Variants in CACNA1E observed in about 807,000 individuals in gnomAD.
The protein encoded by CACNA1E is voltage-dependent R-type calcium channel subunit alpha-1E.
Under a neutral mutation model 259.2 loss-of-function variants are expected in CACNA1E, and 40 were observed. That is an observed-to-expected ratio of 0.15 (90% CI 0.12 to 0.20). The LOEUF (loss-of-function observed/expected upper bound fraction) is 0.20. Among genes scored for constraint, CACNA1E ranks in the 10% least tolerant of loss-of-function variants. CACNA1E has a pLI of 1.00. For missense variants in CACNA1E, 1,874 were observed against 3,040.1 expected, an observed-to-expected ratio of 0.62 and a Z score of 9.02; for synonymous variants, 1,104 against 1,138.5, an observed-to-expected ratio of 0.97 and a Z score of 0.61.
rs756086125 is a variant in CACNA1E at position 181,798,761 on chromosome 1, G to A, written c.6869G>A (p.Gly2290Glu). The A allele has an allele frequency of 1.3e-6, 2 of 1,598,874 alleles. No individual in the cohort carries two copies. The highest frequency in any genetic ancestry group is 1.7e-6 in the Non-Finnish European group (2 of 1,172,292). The change falls in exon 48 of 48, where the codon GGG (glycine) becomes GAG (glutamate). Residue 2290 changes from glycine (G) to glutamate (E), a missense_variant. This residue lies in a region of CACNA1E where 542 missense variants were observed against 587.2 expected (regional missense o/e 0.92). Coordinates refer to ENST00000367573, the MANE Select transcript of CACNA1E (RefSeq NM_001205293.3). The surrounding 1 kb of genome is among the most constrained non-coding windows in gnomAD (Gnocchi z 4.2). ...NGHYRRRRRG[G>E]PGPGMMCGAV... ...CACTATCGGCGGCGGAGGCGCGGGGGGCCTGGGCCAGGCATGATGTGTGGG... is the reference window on the plus strand; with the variant it reads ...CACTATCGGCGGCGGAGGCGCGGGGAGCCTGGGCCAGGCATGATGTGTGGG...
chr1:181,621,283 C>T (rs1349330948), intron 6 of CACNA1E, among the ~76,000 whole-genome samples: 4 of 152,160 alleles, frequency 2.6e-5, no homozygotes, highest in Non-Finnish European at 2.9e-5. Context: ...AAATAGTGTT[C>T]TAGAAGGATA....
chr1:181,570,258 G>A (rs1393744334), intron 3 of CACNA1E, among the ~76,000 whole-genome samples: 1 of 151,938 alleles, frequency 6.6e-6, no homozygotes, highest in Non-Finnish European at 1.5e-5. Context: ...CTCGGGGGGA[G>A]TCTTGCTCAC....
At chr1:181,680,937 T>C (rs3753738) in intron 7 of CACNA1E, among the ~76,000 whole-genome samples, 19,702 of 152,224 alleles carry the variant, frequency 0.13, 1,298 homozygotes, top group Admixed American at 0.16. Flanking sequence ...GGCTGAGGAA[T>C]ACTCCATTGT....
intron 44 of CACNA1E, 110 bp downstream of exon 44, chr1:181,790,666 T>TA (rs1445410139): frequency 2.7e-6 from 2 of 746,978 alleles, no homozygotes; most frequent in Non-Finnish European, 4.7e-6. Context: ...TCTAGTAGTT[T>TA]AGCCAGTTGC....
intron 6 of CACNA1E, among the ~76,000 whole-genome samples, chr1:181,604,877 T>G (rs1287703574): frequency 6.6e-6 from 1 of 152,154 alleles, no homozygotes; most frequent in Non-Finnish European, 1.5e-5. Flanking sequence ...GAATCTTTTA[T>G]CCCTTTCTAA....
At chr1:181,355,672 T>C (rs997282039) in intron 1 of CACNA1E, among the ~76,000 whole-genome samples, 1 of 152,054 alleles carries the variant, frequency 6.6e-6, no homozygotes, top group Non-Finnish European at 1.5e-5. Flanking sequence ...CCAGGTCCCA[T>C]GATTAAGTGC....
At chr1:181,678,700 C>T (rs1649624537) in intron 7 of CACNA1E, among the ~76,000 whole-genome samples, 1 of 152,142 alleles carries the variant, frequency 6.6e-6, no homozygotes, top group Non-Finnish European at 1.5e-5. Flanking sequence ...TTACGGGGCT[C>T]AAATCCTCAT....
chr1:181,750,756 C>T (rs1657521871), intron 26 of CACNA1E, among the ~76,000 whole-genome samples: 1 of 152,132 alleles, frequency 6.6e-6, no homozygotes, highest in African/African-American at 2.4e-5. Flanking sequence ...TAAAACATGC[C>T]AAAGTCTCTG....
chr1:181,484,713 C>T (rs567584611), intron 1 of CACNA1E, among the ~76,000 whole-genome samples: 1 of 152,350 alleles, frequency 6.6e-6, no homozygotes, highest in South Asian at 2.1e-4. Context: ...TCAGGCCCAT[C>T]CTGTCCTTGG....
At chr1:181,408,151 T>C (rs1026991866) in intron 1 of CACNA1E, among the ~76,000 whole-genome samples, 1 of 152,200 alleles carries the variant, frequency 6.6e-6, no homozygotes, top group Non-Finnish European at 1.5e-5. Context: ...GGAATAAAGA[T>C]AGTAGACTTA....
intron 7 of CACNA1E, among the ~76,000 whole-genome samples, chr1:181,698,738 A>G (rs964206966): frequency 2.6e-5 from 4 of 152,086 alleles, no homozygotes; most frequent in African/African-American, 9.7e-5. Context: ...TGTTTCATTT[A>G]TCTCTAATAG....
chr1:181,507,304 G>T (rs1413377167), intron 1 of CACNA1E, among the ~76,000 whole-genome samples: 3 of 152,224 alleles, frequency 2.0e-5, no homozygotes, highest in Non-Finnish European at 4.4e-5. Flanking sequence ...CCTGGGCCAA[G>T]AGCCATTCCG....
At chr1:181,491,569 T>A (rs1270722690) in intron 1 of CACNA1E, among the ~76,000 whole-genome samples, 2 of 152,208 alleles carry the variant, frequency 1.3e-5, no homozygotes. Context: ...TCATCCCAAA[T>A]CTCTCTCATT....
At chr1:181,749,265 ACTT>A (rs899754717) in intron 25 of CACNA1E, among the ~76,000 whole-genome samples, 3 of 152,232 alleles carry the variant, frequency 2.0e-5, no homozygotes, top group African/African-American at 4.8e-5. Flanking sequence ...AATTATGAGC[ACTT>A]CTTCTTAGCA....
chr1:181,720,404 G>C, intron 14 of CACNA1E, 67 bp downstream of exon 14: 1 of 1,526,254 alleles, frequency 6.6e-7, no homozygotes. Flanking sequence ...GTTGGGCTAG[G>C]GTCATTAACT....
At chr1:181,625,914 T>G (rs937980932) in intron 6 of CACNA1E, among the ~76,000 whole-genome samples, 3 of 152,170 alleles carry the variant, frequency 2.0e-5, no homozygotes, top group Non-Finnish European at 4.4e-5. Flanking sequence ...TTCCTTTCAC[T>G]TGAACACTTA....
At position 181,474,422 on chromosome 1, in the gene CACNA1E, C is replaced by T. The variant is rs569335428; in HGVS notation, c.435-9322C>T. On this transcript the variant is annotated intron_variant, in intron 2 of 11. Transcript: ENST00000524607. The stretch of plus-strand genomic sequence containing the variant: ...CTGCACATTAGGAATATTCAGAAAC[C>T]TGCAAAAGAGCCTGTAATTCTTCAC... Among the ~76,000 whole-genome samples, 9 of 152,190 alleles carry T rather than the reference C, an allele frequency of 5.9e-5. No homozygotes were observed. The South Asian group carries it at 1.9e-3, about 31-fold the overall frequency.
chr1:181,637,593 A>G (rs768618268), intron 6 of CACNA1E, among the ~76,000 whole-genome samples: 8 of 152,070 alleles, frequency 5.3e-5, no homozygotes, highest in East Asian at 1.9e-4. Flanking sequence ...TGTTCATTCA[A>G]CAAACACTTG....
At chr1:181,771,670 T>C (rs1659529626) in intron 36 of CACNA1E, 1 of 484,740 alleles carries the variant, frequency 2.1e-6, no homozygotes, top group Non-Finnish European at 3.7e-6. Flanking sequence ...TTCATCAATG[T>C]CTTTGGCTCA....
Sources: allele counts gnomAD v4.1 joint callset (sites outside exome capture counted in the v4.1 genomes callset), GRCh38; gene constraint gnomAD v4.1.1; regional missense constraint gnomAD v4.1.1; non-coding constraint Gnocchi (gnomAD v3.1); transcripts MANE v1.5; gene names NCBI Gene and HGNC (gene_info 2026-07-23, HGNC 2026-07-21).